The following H2BN1 variants were observed in gnomAD, a reference collection of about 807,000 sequenced individuals.
The protein encoded by H2BN1 is histone H2B.N.
At chr17:32,898,121 G>T in the H2BN1 span, among the ~76,000 whole-genome samples, 1 of 151,380 alleles carries the variant, frequency 6.6e-6, no homozygotes, top group Non-Finnish European at 1.5e-5. Flanking sequence ...TCTGAGATAG[G>T]TCTCAGTTAG....
chr17:32,897,857 T>G, the H2BN1 span, among the ~76,000 whole-genome samples: 4 of 152,202 alleles, frequency 2.6e-5, no homozygotes, highest in Non-Finnish European at 5.9e-5. Flanking sequence ...TTGAGAAATG[T>G]CAAAGTAAAA....
chr17:32,896,752 T>C, the H2BN1 span, among the ~76,000 whole-genome samples: 1 of 152,162 alleles, frequency 6.6e-6, no homozygotes, highest in Non-Finnish European at 1.5e-5. Flanking sequence ...CTGTGCATTG[T>C]AGGATGTTAA....
the H2BN1 span, among the ~76,000 whole-genome samples, chr17:32,904,287 C>T: frequency 6.6e-6 from 1 of 152,086 alleles, no homozygotes; most frequent in Admixed American, 6.5e-5. Flanking sequence ...ACAGACAAGC[C>T]GAATTGAGAT....
the H2BN1 span, among the ~76,000 whole-genome samples, chr17:32,903,950 C>A: frequency 2.6e-5 from 4 of 152,216 alleles, no homozygotes; most frequent in Non-Finnish European, 5.9e-5. Flanking sequence ...CAATGTGTCA[C>A]CACTAAGTTG....
At chr17:32,896,616 A>C in the H2BN1 span, among the ~76,000 whole-genome samples, 6 of 152,254 alleles carry the variant, frequency 3.9e-5, no homozygotes, top group Admixed American at 3.9e-4. Context: ...AAAGGGGAAA[A>C]TGAGATTAAG....
At chr17:32,899,364 G>A in the H2BN1 span, among the ~76,000 whole-genome samples, 1 of 152,294 alleles carries the variant, frequency 6.6e-6, no homozygotes, top group South Asian at 2.1e-4. Context: ...CTCCTCTTGA[G>A]GTTCCAAGAT....
the H2BN1 span, among the ~76,000 whole-genome samples, chr17:32,896,125 A>G: frequency 6.6e-6 from 1 of 151,976 alleles, no homozygotes; most frequent in Non-Finnish European, 1.5e-5. Context: ...TACGTTTCCC[A>G]GGCTGGTCTT....
chr17:32,898,378 A>G, the H2BN1 span, among the ~76,000 whole-genome samples: 2 of 152,216 alleles, frequency 1.3e-5, no homozygotes, highest in Admixed American at 1.3e-4. Flanking sequence ...GATAGGAGAC[A>G]AATGGTTGTA....
the H2BN1 span, among the ~76,000 whole-genome samples, chr17:32,902,069 A>T: frequency 6.6e-6 from 1 of 151,898 alleles, no homozygotes; most frequent in Non-Finnish European, 1.5e-5. Context: ...GACTAAATCT[A>T]CCGTACAAGA....
At chr17:32,898,041 C>T in the H2BN1 span, among the ~76,000 whole-genome samples, 1 of 152,182 alleles carries the variant, frequency 6.6e-6, no homozygotes. Flanking sequence ...TTCTCACCAG[C>T]TCCAAATTCC....
the H2BN1 span, among the ~76,000 whole-genome samples, chr17:32,898,887 A>G: frequency 6.6e-5 from 10 of 152,212 alleles, no homozygotes; most frequent in African/African-American, 2.4e-4. Context: ...TCTGAAGTTT[A>G]AGTTGTCTAG....
chr17:32,896,056 C>T, the H2BN1 span, among the ~76,000 whole-genome samples: 1 of 152,074 alleles, frequency 6.6e-6, no homozygotes, highest in Non-Finnish European at 1.5e-5. Context: ...CGCCACCATG[C>T]CTAGCTAATT....
At chr17:32,901,534 T>C in the H2BN1 span, among the ~76,000 whole-genome samples, 477 of 152,296 alleles carry the variant, frequency 3.1e-3, 5 homozygotes, top group African/African-American at 0.011. Context: ...ACATCTTCTA[T>C]TGGGCCTGAA....
the H2BN1 span, chr17:32,906,532 T>G: frequency 6.6e-6 from 1 of 152,268 alleles, no homozygotes; most frequent in South Asian, 2.1e-4. Context: ...CCTGTGTTTT[T>G]GGCCTCCAGC....
the H2BN1 span, among the ~76,000 whole-genome samples, chr17:32,901,198 C>T: frequency 1.3e-5 from 2 of 151,990 alleles, no homozygotes; most frequent in Non-Finnish European, 2.9e-5. Flanking sequence ...TAGAGTGAGA[C>T]TCTGTGTCAA....
the H2BN1 span, among the ~76,000 whole-genome samples, chr17:32,898,968 G>A: frequency 5.9e-5 from 9 of 152,116 alleles, no homozygotes; most frequent in African/African-American, 1.7e-4. Context: ...AGATGTGGGG[G>A]AAGAAAAAAT....
At chr17:32,902,061 C>G in the H2BN1 span, among the ~76,000 whole-genome samples, 802 of 151,572 alleles carry the variant, frequency 5.3e-3, 8 homozygotes, top group African/African-American at 0.018. Flanking sequence ...TACTTTAGGA[C>G]TAAATCTACC....
At chr17:32,897,358 T>TACACACACACACACACACAC in the H2BN1 span, among the ~76,000 whole-genome samples, 42 of 124,052 alleles carry the variant, frequency 3.4e-4, 1 homozygote, top group African/African-American at 1.2e-3. Flanking sequence ...CTCTCTGTCT[T>TACACACACACACACACACAC]ACACACACAC....
chr17:32,905,583 T>G, the H2BN1 span: 1 of 152,146 alleles, frequency 6.6e-6, no homozygotes, highest in Non-Finnish European at 1.5e-5. Context: ...TGAGGATATG[T>G]GTCCATGACA....
Sources: gnomAD v4.1 joint callset for allele counts (sites outside exome capture counted in the v4.1 genomes callset) on GRCh38, gnomAD v4.1.1 for gene constraint, MANE v1.5 for transcripts, NCBI Gene and HGNC (gene_info 2026-07-23, HGNC 2026-07-21) for gene names.